The following PRIM2 variants were observed in gnomAD, a reference collection of about 807,000 sequenced individuals.
The protein encoded by PRIM2 is DNA primase large subunit.
PRIM2 carries 39 observed loss-of-function variants against 67.3 expected under a neutral mutation model. The observed-to-expected ratio is 0.58, with a 90% confidence interval of 0.45 to 0.76. The LOEUF is 0.76. PRIM2 is among the 30% of genes least tolerant of loss of function. The probability of loss-of-function intolerance (pLI) is 0.00; values close to 1 mark genes in which losing one functional copy is unlikely to be tolerated. For missense variants in PRIM2, 398 were observed against 598.7 expected (o/e 0.66, Z 3.50); for synonymous variants, 143 against 198.7 (o/e 0.72, Z 2.36).
intron 7 of PRIM2, among the ~76,000 whole-genome samples, chr6:57,484,650 T>C (rs1490600250): frequency 2.0e-5 from 3 of 152,206 alleles, no homozygotes; most frequent in Admixed American, 6.5e-5. Context: ...CTATGGACCA[T>C]TCCTTTCTGG....
chr6:57,288,170 G>C, the PRIM2 span, among the ~76,000 whole-genome samples: 13,003 of 152,242 alleles, frequency 0.085, 594 homozygotes, highest in Non-Finnish European at 0.1. Context: ...CTTGTTCACT[G>C]TTAGCGCAGC....
intron 10 of PRIM2, among the ~76,000 whole-genome samples, chr6:57,579,544 GA>G (rs1312919816): frequency 2.0e-5 from 3 of 152,056 alleles, no homozygotes; most frequent in African/African-American, 7.2e-5. Context: ...GTGACTTTGT[GA>G]AAATAATTTA....
In PRIM2 at chr6:57,332,806, C is replaced by G. The variant is rs546885811; in HGVS notation, c.459+6761C>G. ...AAATATCATATAGTTGGATCATCTT[C>G]TTTTCTTTTTTATTCATTTTGGAAG... On this transcript the variant is annotated intron_variant, in intron 5 of 13. Coordinates refer to ENST00000615550, the MANE Select transcript of PRIM2 (RefSeq NM_000947.5). Among the ~76,000 whole-genome samples the G allele has an allele frequency of 1.1e-4, 16 of 151,256 alleles. No individual in the cohort carries two copies. The East Asian group carries it at 2.5e-3, about 24-fold the overall frequency.
At chr6:57,591,613 T>C (rs1263582872) in intron 10 of PRIM2, among the ~76,000 whole-genome samples, 2 of 152,074 alleles carry the variant, frequency 1.3e-5, no homozygotes, top group Non-Finnish European at 2.9e-5. Context: ...AAAAGAAGGT[T>C]AAAATGTCCT....
Position 57,606,455 on chromosome 6 carries a change from C to T in PRIM2, c.1228C>T (p.Gln410Ter), listed in dbSNP as rs1776564830. Residue 410 changes from glutamine to a stop codon, truncating the protein, a stop_gained and splice_region_variant, in exon 12 of 14, where the codon CAG (glutamine) becomes TAG (stop). Coordinates refer to ENST00000615550, the MANE Select transcript of PRIM2 (RefSeq NM_000947.5). LOFTEE classifies it high-confidence loss of function. ...CAAGATCTCTCCTGGAGGGATAAGC[C>T]AGGTAGGTCATATTCTTCTCTCTGC... ...SYKISPGGIS[Q>*]ILDLVKGTHY... 6.4e-7 allele frequency: 1 copy of T among 1,574,502 alleles called. No individual in the cohort carries two copies. The highest frequency in any genetic ancestry group is 1.7e-5 in the Admixed American group (1 of 57,776).
chr6:57,588,136 A>T (rs1445559343), intron 10 of PRIM2, among the ~76,000 whole-genome samples: 1 of 152,180 alleles, frequency 6.6e-6, no homozygotes, highest in Non-Finnish European at 1.5e-5. Flanking sequence ...GGACATAGAC[A>T]TGAAGAGGAA....
chr6:57,479,845 C>T (rs1373671164), intron 7 of PRIM2, among the ~76,000 whole-genome samples: 11 of 152,232 alleles, frequency 7.2e-5, no homozygotes, highest in South Asian at 6.2e-4. Context: ...GGTCACCAGC[C>T]GCGTGGTAGG....
At chr6:57,272,413 T>C in the PRIM2 span, among the ~76,000 whole-genome samples, 2 of 151,940 alleles carry the variant, frequency 1.3e-5, no homozygotes, top group African/African-American at 4.8e-5. Context: ...TCTTTGATGG[T>C]TTAAAGTCTG....
At chr6:57,334,527 T>C (rs77607933) in intron 5 of PRIM2, among the ~76,000 whole-genome samples, 19,354 of 152,092 alleles carry the variant, frequency 0.13, 1,388 homozygotes, top group African/African-American at 0.18. Flanking sequence ...TAGCTGGGTG[T>C]AGTGGTGCAC....
the PRIM2 span, among the ~76,000 whole-genome samples, chr6:57,271,940 G>C: frequency 1.1e-4 from 16 of 152,186 alleles, no homozygotes; most frequent in African/African-American, 3.9e-4. Flanking sequence ...GAGCAGATTT[G>C]AGTGAGTTTC....
chr6:57,426,173 AT>A (rs1771618917), intron 7 of PRIM2, among the ~76,000 whole-genome samples: 1 of 152,184 alleles, frequency 6.6e-6, no homozygotes, highest in African/African-American at 2.4e-5. Context: ...TCATATAAGT[AT>A]TATGCCAAAT....
At chr6:57,277,059 G>T in the PRIM2 span, among the ~76,000 whole-genome samples, 2 of 152,124 alleles carry the variant, frequency 1.3e-5, no homozygotes, top group Non-Finnish European at 2.9e-5. Flanking sequence ...GAACCAGCAG[G>T]CCTGTGAGTT....
chr6:57,431,690 T>C (rs1460136806), intron 7 of PRIM2, among the ~76,000 whole-genome samples: 4 of 152,200 alleles, frequency 2.6e-5, no homozygotes, highest in African/African-American at 9.6e-5. Context: ...AGTTCATTTT[T>C]GAGAGATAAA....
At chr6:57,324,405 A>T (rs553233426) in intron 4 of PRIM2, 125 bp downstream of exon 4, 1 of 531,594 alleles carries the variant, frequency 1.9e-6, no homozygotes, top group Admixed American at 3.0e-5. Flanking sequence ...CCGGTTGATC[A>T]TGGGGTTGAA....
chr6:57,270,463 T>G, the PRIM2 span, among the ~76,000 whole-genome samples: 1 of 152,186 alleles, frequency 6.6e-6, no homozygotes, highest in African/African-American at 2.4e-5. Context: ...CTTGTGATTT[T>G]TGTACATTGA....
chr6:57,595,763 C>T (rs1214300024), intron 10 of PRIM2, among the ~76,000 whole-genome samples: 92 of 152,342 alleles, frequency 6.0e-4, no homozygotes, highest in African/African-American at 2.1e-3. Flanking sequence ...CATGCCCTCT[C>T]TGGGTGTTCC....
chr6:57,344,903 T>A (rs1768619041), intron 5 of PRIM2, among the ~76,000 whole-genome samples: 8 of 152,186 alleles, frequency 5.3e-5, no homozygotes, highest in Non-Finnish European at 2.9e-5. Flanking sequence ...ATGTGAAACT[T>A]CAAGCTGAAT....
At chr6:57,539,636 GTGTGTGTGTGTGTGTGTGTGTATATA>G (rs1775097037) in intron 10 of PRIM2, among the ~76,000 whole-genome samples, 5 of 68,718 alleles carry the variant, frequency 7.3e-5, no homozygotes, top group African/African-American at 1.5e-4. Flanking sequence ...GTGTGTGTGT[GTGTGTGTGTGTGTGTGTGTGTATATA>G]TATATATATA....
At chr6:57,432,080 A>G (rs1319574384) in intron 7 of PRIM2, among the ~76,000 whole-genome samples, 7 of 152,212 alleles carry the variant, frequency 4.6e-5, no homozygotes, top group African/African-American at 1.7e-4. Flanking sequence ...TCACCAATTT[A>G]GCCTTTTTAC....
Sources: gnomAD v4.1 joint callset for allele counts (sites outside exome capture counted in the v4.1 genomes callset) on GRCh38, gnomAD v4.1.1 for gene constraint, MANE v1.5 for transcripts, NCBI Gene and HGNC (gene_info 2026-07-23, HGNC 2026-07-21) for gene names.